VPS13D: variants seen among roughly 807,000 people sequenced by gnomAD.
VPS13D encodes vacuolar protein sorting 13 homolog D, also known as intermembrane lipid transfer protein VPS13D.
In VPS13D, 187 loss-of-function variants were observed where a neutral mutation model predicts 461.9. The ratio of observed to expected loss-of-function variants is 0.40; its 90% CI spans 0.36 to 0.46. VPS13D has a LOEUF of 0.46. Ranked by LOEUF, VPS13D falls within the 20% of genes least tolerant of loss-of-function variation. VPS13D has a pLI of 0.60. For synonymous variants in VPS13D, 1,951 were observed against 1,986.3 expected (o/e 0.98, Z 0.47); for missense variants, 4,711 against 5,364.9 (o/e 0.88, Z 3.81).
At position 12,314,311 on chromosome 1, in the gene VPS13D, A is replaced by T; in HGVS notation, c.7132A>T (p.Ile2378Phe). 1 of 1,613,214 alleles carries T rather than the reference A, an allele frequency of 6.2e-7. No homozygotes were observed. Among genetic ancestry groups the T allele is most frequent in the Admixed American group, 1.7e-5 (1 of 60,012 alleles). ...NSSTTQGSIQ[I>F]ELHFRSTKDS... is the part of the protein sequence containing the mutation. The stretch of plus-strand genomic sequence containing the variant: ...CAGCACCACCCAAGGGTCCATTCAG[A>T]TTGAACTACATTTCAGGTAGCAGGT... The change falls in exon 30 of 70, where the codon ATT becomes TTT. Residue 2378 changes from isoleucine to phenylalanine, a missense_variant. Ile to Phe is a conservative substitution (Grantham distance 21). Transcript: ENST00000620676.
intron 2 of VPS13D, 126 bp from the exon 3 acceptor site, chr1:12,242,387 A>G: frequency 1.3e-6 from 1 of 796,584 alleles, no homozygotes; most frequent in South Asian, 1.8e-5. Context: ...ACTTTCCTTT[A>G]ACCTTCACAT....
At position 12,502,564 on chromosome 1, in the gene VPS13D, A is replaced by G. The variant is rs1208863943; in HGVS notation, c.12795-4289A>G. 2.0e-5 allele frequency among the ~76,000 whole-genome samples: 3 copies of G among 151,848 alleles called. No individual in the cohort carries two copies. The highest frequency in any genetic ancestry group is 6.6e-5 in the Admixed American group (1 of 15,256). On this transcript the variant is annotated intron_variant, in intron 68 of 69. Coordinates refer to ENST00000620676, the MANE Select transcript of VPS13D (RefSeq NM_015378.4). The surrounding 1 kb of genome is among the most constrained non-coding windows in gnomAD (Gnocchi z 4.3). ...GCCTAGGGGTAGAGGAGCCTGTTCC[A>G]GGAGCTCTGAGTCAGGCTTCTGATT...
Position 12,277,665 on chromosome 1 carries a change from A to G in VPS13D, c.4077A>G (p.Glu1359=). The G allele has an allele frequency of 1.2e-6, 2 of 1,614,150 alleles. No homozygotes were observed. Among genetic ancestry groups the G allele is most frequent in the Non-Finnish European group, 1.7e-6 (2 of 1,180,030 alleles). ...AACCCTTTATCTTAGAGGAAAATGA[A>G]ATATATGGGTTTGACCTAGCTTCGT... The part of the protein sequence containing the change: ...TREPFILEEN[E]IYGFDLASSH... Residue 1359 remains glutamate, a synonymous_variant, in exon 19 of 70, where the codon GAA becomes GAG. Transcript: ENST00000620676.
intron 39 of VPS13D, chr1:12,336,952 A>G (rs1324581889): frequency 6.6e-6 from 1 of 152,230 alleles, no homozygotes; most frequent in Admixed American, 6.5e-5. Flanking sequence ...GGCATCTTCA[A>G]TTCAGAGTCA....
chr1:12,424,865 T>G (rs2100272881), intron 65 of VPS13D, among the ~76,000 whole-genome samples: 1 of 152,302 alleles, frequency 6.6e-6, no homozygotes, highest in African/African-American at 2.4e-5. Context: ...TAGAAAAGTA[T>G]ATTCAGTTGC....
intron 3 of VPS13D, among the ~76,000 whole-genome samples, chr1:12,243,389 C>T (rs948680135): frequency 1.3e-5 from 2 of 152,198 alleles, no homozygotes; most frequent in Admixed American, 6.5e-5. Flanking sequence ...CTCAGCTTCC[C>T]CAGCTATTAG....
At chr1:12,233,769 C>T (rs778175842) in intron 1 of VPS13D, among the ~76,000 whole-genome samples, 1 of 152,156 alleles carries the variant, frequency 6.6e-6, no homozygotes, top group Non-Finnish European at 1.5e-5. Flanking sequence ...CATCTGCAGC[C>T]GGGCGCAGTG....
At chr1:12,308,349 C>A in intron 26 of VPS13D, 82 bp from the exon 27 acceptor site, 1 of 1,426,280 alleles carries the variant, frequency 7.0e-7, no homozygotes, top group Non-Finnish European at 9.7e-7. Context: ...ACAGAATGAG[C>A]TTTGCATTTT....
rs146337257 is a variant in VPS13D at position 12,278,026 on chromosome 1, C to T, written c.4438C>T (p.His1480Tyr). The change falls in exon 19 of 70, where the codon CAT (histidine) becomes TAT (tyrosine). Residue 1480 changes from histidine (H) to tyrosine (Y), a missense_variant. This residue lies in a region of VPS13D where 4,411 missense variants were observed against 4,937.8 expected (regional missense o/e 0.89). Transcript: ENST00000620676. ...FTRHDFFESL[H>Y]RGQAFHILNN... ...ACGACATGATTTCTTTGAATCTTTG[C>T]ATAGAGGTCAAGGTGAGGAGCATCA... 74 of 1,612,414 alleles carry T rather than the reference C, an allele frequency of 4.6e-5. No individual in the cohort carries two copies. The highest frequency in any genetic ancestry group is 5.0e-5 in the Admixed American group (3 of 59,832).
At chr1:12,363,308 A>G in intron 52 of VPS13D, 61 bp downstream of exon 52, 1 of 1,539,544 alleles carries the variant, frequency 6.5e-7, no homozygotes, top group Non-Finnish European at 8.9e-7. Context: ...GCAGTACTGT[A>G]ATAACAAGCC....
rs151332868 is a variant in VPS13D, at chr1:12,276,778, A to G, written c.3190A>G (p.Thr1064Ala). ...DGATLNDRSA[T>A]SVSLDKILTK... ...AGCTACACTGAACGACCGATCAGCTACTAGTGTTTCACTTGACAAAATTCT... is the reference window on the plus strand; with the variant it reads ...AGCTACACTGAACGACCGATCAGCTGCTAGTGTTTCACTTGACAAAATTCT... Residue 1064 changes from threonine (T) to alanine (A), a missense_variant, in exon 19 of 70, where the codon ACT becomes GCT. Around this residue, in one of 3 missense-constraint regions of VPS13D, gnomAD observed 4,411 missense variants for 4,937.8 expected, o/e 0.89. Transcript: ENST00000620676. The surrounding 1 kb of genome is among the most constrained non-coding windows in gnomAD (Gnocchi z 4.5). The G allele has an allele frequency of 6.2e-7, 1 of 1,614,212 alleles. No individual in the cohort carries two copies. The highest frequency in any genetic ancestry group is 8.5e-7 in the Non-Finnish European group (1 of 1,180,030).
chr1:12,290,640 G>C (rs1007642966), intron 22 of VPS13D, among the ~76,000 whole-genome samples: 1 of 151,552 alleles, frequency 6.6e-6, no homozygotes, highest in Non-Finnish European at 1.5e-5. Flanking sequence ...GGAGAATGGC[G>C]TGAACCCGGG....
chr1:12,353,546 A>C (rs1016967259), intron 46 of VPS13D, among the ~76,000 whole-genome samples: 6 of 151,050 alleles, frequency 4.0e-5, no homozygotes, highest in Admixed American at 6.6e-5. Context: ...AAAAAAAAAA[A>C]AAAAAAAAAA....
In VPS13D at chr1:12,473,644, T is replaced by C. The variant is rs1645592489; in HGVS notation, c.12662+13248T>C. On this transcript the variant is annotated intron_variant, in intron 67 of 69. Transcript: ENST00000620676. The surrounding 1 kb of genome is among the most constrained non-coding windows in gnomAD (Gnocchi z 4.2). Reference sequence around the variant, plus strand: ...TGGCATGCAGGTAGGGCTCAAGAAATGGTGTCAGTGTGAATATTCTCCCCT... The same window carrying C: ...TGGCATGCAGGTAGGGCTCAAGAAACGGTGTCAGTGTGAATATTCTCCCCT... Among the ~76,000 whole-genome samples the C allele has an allele frequency of 6.6e-6, 1 of 152,130 alleles. No homozygotes were observed. The highest frequency in any genetic ancestry group is 2.4e-5 in the African/African-American group (1 of 41,402).
chr1:12,308,619 C>T lies in VPS13D; in HGVS notation c.6628C>T (p.Gln2210Ter). The T allele has an allele frequency of 6.2e-7, 1 of 1,612,314 alleles. No individual in the cohort carries two copies. Among genetic ancestry groups the T allele is most frequent in the Non-Finnish European group, 8.5e-7 (1 of 1,179,584 alleles). Reference protein sequence around the residue: ...LLTEPCRLKLQVERNLDKEIS... With the variant: ...LLTEPCRLKL The stretch of plus-strand genomic sequence containing the variant: ...AACCGAGCCTTGTAGGCTGAAATTG[C>T]AGGTGGAAAGGAATTTGGACAAGTG... The change falls in exon 27 of 70, where the codon CAG (glutamine) becomes TAG (stop). Residue 2210 changes from glutamine (Q) to a stop codon, truncating the protein, a stop_gained. Transcript: ENST00000620676. LOFTEE classifies it high-confidence loss of function.
At chr1:12,431,550 T>C (rs1018702205) in intron 65 of VPS13D, among the ~76,000 whole-genome samples, 1 of 151,458 alleles carries the variant, frequency 6.6e-6, no homozygotes, top group African/African-American at 2.4e-5. Context: ...CCTTGCCTAC[T>C]GTATATCTTC....
chr1:12,242,696 A>C lies in VPS13D; in HGVS notation c.175+106A>C, dbSNP rs182554170. On this transcript the variant is annotated intron_variant, in intron 3 of 69. Coordinates refer to ENST00000620676, the MANE Select transcript of VPS13D (RefSeq NM_015378.4). ...ATTGATTTGGCCAGTTAGAGGAAGG[A>C]TATAGCAAATGTTAGAGTTTAGGCC... 1.2e-4 allele frequency: 118 copies of C among 981,714 alleles called. 1 individual carries two copies. The African/African-American group carries it at 1.7e-3, about 15-fold the overall frequency. The allele number at this position is 981,714 out of a possible 1,614,324, so 60.8% of individuals were successfully genotyped here.
At chr1:12,439,619 T>TC (rs1240378527) in intron 65 of VPS13D, among the ~76,000 whole-genome samples, 1 of 152,222 alleles carries the variant, frequency 6.6e-6, no homozygotes, top group Non-Finnish European at 1.5e-5. Context: ...ACACACTCAG[T>TC]CCATAGTATA....
chr1:12,482,549 A>G (rs577795370), intron 67 of VPS13D, among the ~76,000 whole-genome samples: 2 of 152,212 alleles, frequency 1.3e-5, no homozygotes, highest in East Asian at 1.9e-4. Context: ...CTTAGAGTGT[A>G]TGGACACTGC....
Sources: allele counts gnomAD v4.1 joint callset (sites outside exome capture counted in the v4.1 genomes callset), GRCh38; gene constraint gnomAD v4.1.1; regional missense constraint gnomAD v4.1.1; non-coding constraint Gnocchi (gnomAD v3.1); transcripts MANE v1.5; gene names NCBI Gene and HGNC (gene_info 2026-07-23, HGNC 2026-07-21).